FER: variants seen among roughly 807,000 people sequenced by gnomAD.
FER encodes the protein FER tyrosine kinase.
Under a neutral mutation model 111.0 loss-of-function variants are expected in FER, and 63 were observed. That is an observed-to-expected ratio of 0.57 (90% CI 0.46 to 0.70). The LOEUF is 0.70. Among genes scored for constraint, FER ranks in the 30% least tolerant of loss-of-function variants. The pLI is 0.00. For missense variants in FER, 914 were observed against 954.0 expected, an observed-to-expected ratio of 0.96 and a Z score of 0.55; for synonymous variants, 327 against 313.9, an observed-to-expected ratio of 1.04 and a Z score of -0.44.
chr5:108,950,536 A>G (rs373207064), intron 11 of FER, among the ~76,000 whole-genome samples: 2 of 152,172 alleles, frequency 1.3e-5, no homozygotes, highest in East Asian at 3.8e-4. Context: ...AGTGCCAAAG[A>G]CAGAACCACT....
intron 17 of FER, 116 bp from the exon 18 acceptor site, chr5:109,180,631 T>C: frequency 8.4e-7 from 1 of 1,188,190 alleles, no homozygotes; most frequent in African/African-American, 1.6e-5. Flanking sequence ...ACAAGCATTC[T>C]TAACCTCATT....
chr5:109,168,299 A>T (rs985362473), intron 17 of FER, among the ~76,000 whole-genome samples: 2 of 152,080 alleles, frequency 1.3e-5, no homozygotes, highest in East Asian at 3.9e-4. Flanking sequence ...GTCTTTTTAT[A>T]TGCTAATGAG....
chr5:109,043,315 G>T (rs148358221), intron 14 of FER, among the ~76,000 whole-genome samples: 2,866 of 152,154 alleles, frequency 0.019, 37 homozygotes, highest in Non-Finnish European at 0.028. Flanking sequence ...TGACAATTGT[G>T]GGTAAAAGAC....
intron 16 of FER, among the ~76,000 whole-genome samples, chr5:109,067,267 T>TTGTTGC (rs1202825866): frequency 1.5e-4 from 23 of 150,662 alleles, no homozygotes; most frequent in South Asian, 1.0e-3. Context: ...GTTGTTGCTG[T>TTGTTGC]TGCTGCTGCT....
chr5:108,992,538 TG>T (rs1763351832), intron 13 of FER, among the ~76,000 whole-genome samples: 1 of 148,762 alleles, frequency 6.7e-6, no homozygotes, highest in Non-Finnish European at 1.5e-5. Context: ...ACGGGGCAGC[TG>T]GCCGGGCAGA....
intron 3 of FER, among the ~76,000 whole-genome samples, chr5:108,814,346 CA>C (rs1157026645): frequency 2.0e-5 from 3 of 152,080 alleles, no homozygotes; most frequent in Admixed American, 2.0e-4. Flanking sequence ...CAGTGCAAAG[CA>C]AAAGCAGGTT....
chr5:108,761,193 G>T (rs1751705885), intron 1 of FER, among the ~76,000 whole-genome samples: 1 of 152,140 alleles, frequency 6.6e-6, no homozygotes, highest in Non-Finnish European at 1.5e-5. Flanking sequence ...CTCCCAAAGT[G>T]CTGGGATTAC....
intron 17 of FER, among the ~76,000 whole-genome samples, chr5:109,147,800 T>TAGAGAGAG (rs750473377): frequency 2.4e-4 from 28 of 118,606 alleles, no homozygotes; most frequent in African/African-American, 7.4e-4. Context: ...TATATATATA[T>TAGAGAGAG]AGAGAGAGAG....
intron 13 of FER, among the ~76,000 whole-genome samples, chr5:109,025,720 T>A (rs558611949): frequency 6.6e-6 from 1 of 151,428 alleles, no homozygotes; most frequent in African/African-American, 2.4e-5. Flanking sequence ...GGAATGCTTC[T>A]AGTTTTTGCC....
intron 17 of FER, among the ~76,000 whole-genome samples, chr5:109,167,450 C>T (rs2126779061): frequency 6.6e-6 from 1 of 152,172 alleles, no homozygotes; most frequent in East Asian, 1.9e-4. Flanking sequence ...ATTCAGTTCC[C>T]AGATCAAATA....
intron 17 of FER, among the ~76,000 whole-genome samples, chr5:109,169,608 G>C (rs751988436): frequency 6.6e-6 from 1 of 152,146 alleles, no homozygotes; most frequent in African/African-American, 2.4e-5. Flanking sequence ...TACTTCTTTT[G>C]AATTCCTATA....
chr5:109,106,113 G>A (rs1456180869), intron 17 of FER, among the ~76,000 whole-genome samples: 2 of 152,118 alleles, frequency 1.3e-5, no homozygotes, highest in Admixed American at 1.3e-4. Context: ...TACAACAGAG[G>A]TATCTTCTGA....
At chr5:109,142,079 C>T (rs554207734) in intron 17 of FER, among the ~76,000 whole-genome samples, 1 of 152,176 alleles carries the variant, frequency 6.6e-6, no homozygotes, top group South Asian at 2.1e-4. Context: ...ACTCCCTTCA[C>T]ATAGTAACTT....
chr5:109,016,677 A>G (rs1443943915), intron 13 of FER, among the ~76,000 whole-genome samples: 1 of 152,064 alleles, frequency 6.6e-6, no homozygotes, highest in Non-Finnish European at 1.5e-5. Context: ...AAACTTTGAA[A>G]TGTGTATGTG....
intron 9 of FER, among the ~76,000 whole-genome samples, chr5:108,889,205 TA>T (rs796341137): frequency 1.8e-4 from 27 of 152,016 alleles, no homozygotes; most frequent in African/African-American, 5.5e-4. Context: ...ATCTCACTGC[TA>T]GGTATATACT....
At position 108,865,277 on chromosome 5, in the gene FER, A is replaced by T. The variant is rs567070917; in HGVS notation, c.482-2490A>T. 3.3e-3 allele frequency among the ~76,000 whole-genome samples: 499 copies of T among 152,284 alleles called. 3 individuals carry two copies. The highest frequency in any genetic ancestry group is 0.011 in the African/African-American group (471 of 41,538). ...GGGCTGAGATGATGGGGTTTTCTAAATAAACAATCATGTCATCTGCAAACA... is the reference window on the plus strand; with the variant it reads ...GGGCTGAGATGATGGGGTTTTCTAATTAAACAATCATGTCATCTGCAAACA... On this transcript the variant is annotated intron_variant, in intron 5 of 19. Coordinates refer to ENST00000281092, the MANE Select transcript of FER (RefSeq NM_005246.4).
intron 17 of FER, among the ~76,000 whole-genome samples, chr5:109,148,160 A>T (rs188971171): frequency 3.3e-5 from 5 of 152,072 alleles, no homozygotes; most frequent in Admixed American, 1.3e-4. Context: ...TTATCCTGCA[A>T]CTCCAACTCT....
chr5:108,990,917 T>C (rs1763084687), intron 13 of FER, among the ~76,000 whole-genome samples: 1 of 151,850 alleles, frequency 6.6e-6, no homozygotes, highest in African/African-American at 2.4e-5. Context: ...ACTCTACTTT[T>C]AATATTAAAA....
At chr5:109,076,635 G>A (rs1329959520) in intron 16 of FER, among the ~76,000 whole-genome samples, 5 of 151,778 alleles carry the variant, frequency 3.3e-5, no homozygotes, top group Non-Finnish European at 5.9e-5. Context: ...ATGGGATTTC[G>A]CTTTGTTGCC....
Sources: allele counts gnomAD v4.1 joint callset (sites outside exome capture counted in the v4.1 genomes callset), GRCh38; gene constraint gnomAD v4.1.1; transcripts MANE v1.5; gene names NCBI Gene and HGNC (gene_info 2026-07-23, HGNC 2026-07-21).